The following HIBCH variants were observed in gnomAD, a reference collection of about 807,000 sequenced individuals.
HIBCH encodes the protein 3-hydroxyisobutyryl-CoA hydrolase, also known as 3-hydroxyisobutyryl-CoA hydrolase, mitochondrial.
A neutral mutation model predicts 58.2 loss-of-function variants in HIBCH; 50 were observed. That is an observed-to-expected ratio of 0.86 (90% CI 0.68 to 1.09). The LOEUF is 1.09. HIBCH is among the 50% of genes least tolerant of loss of function. HIBCH has a pLI of 0.00. For missense variants in HIBCH, 450 were observed against 449.7 expected (o/e 1.00, Z -0.01); for synonymous variants, 151 against 146.9 (o/e 1.03, Z -0.20).
At chr2:190,257,264 A>G (rs1409942943) in intron 7 of HIBCH, among the ~76,000 whole-genome samples, 2 of 152,208 alleles carry the variant, frequency 1.3e-5, no homozygotes, top group African/African-American at 2.4e-5. Flanking sequence ...ATGACAGTGT[A>G]GTAACATCTT....
intron 5 of HIBCH, among the ~76,000 whole-genome samples, chr2:190,290,027 T>G (rs1411163612): frequency 6.6e-6 from 1 of 152,090 alleles, no homozygotes; most frequent in African/African-American, 2.4e-5. Context: ...TACAGGCACT[T>G]GCCACCGCAC....
In HIBCH at chr2:190,207,101, G is replaced by GAC. The variant is rs1355081890; in HGVS notation, c.1045+1777_1045+1778dup. On this transcript the variant is annotated intron_variant, in intron 13 of 13. Transcript: ENST00000359678. The surrounding 1 kb of genome is among the most constrained non-coding windows in gnomAD (Gnocchi z 4.5). ...TTTGCCACTGCTCTCCAGCCTGGGT[G>GAC]ACAGAGTGAGACTCCATCTCAAAAA... is the stretch of plus-strand genomic sequence containing the variant. 6.6e-6 allele frequency among the ~76,000 whole-genome samples: 1 copy of GAC among 152,112 alleles called. No individual in the cohort carries two copies. The highest frequency in any genetic ancestry group is 2.4e-5 in the African/African-American group (1 of 41,428).
intron 2 of HIBCH, among the ~76,000 whole-genome samples, chr2:190,299,300 T>C (rs1688195416): frequency 1.3e-5 from 2 of 152,204 alleles, no homozygotes; most frequent in South Asian, 4.1e-4. Flanking sequence ...AATATTGGAG[T>C]TAATTTTTGT....
Position 190,254,136 on chromosome 2 carries a change from T to C in HIBCH, c.518-1829A>G, listed in dbSNP as rs995465277. ...TGATTACTCCCTGCTATGGACTGCATTGTGTCCTTCCAAAAAGTCCTATGT... is the reference window on the plus strand; with the variant it reads ...TGATTACTCCCTGCTATGGACTGCACTGTGTCCTTCCAAAAAGTCCTATGT... On this transcript the variant is annotated intron_variant, in intron 7 of 13. Coordinates refer to ENST00000359678, the MANE Select transcript of HIBCH (RefSeq NM_014362.4). The surrounding 1 kb of genome is among the most constrained non-coding windows in gnomAD (Gnocchi z 5.0). Among the ~76,000 whole-genome samples, 2 of 152,192 alleles carry C rather than the reference T, an allele frequency of 1.3e-5. No individual in the cohort carries two copies. The highest frequency in any genetic ancestry group is 6.5e-5 in the Admixed American group (1 of 15,276).
At chr2:190,238,126 A>G (rs1034063141) in intron 11 of HIBCH, among the ~76,000 whole-genome samples, 2 of 152,206 alleles carry the variant, frequency 1.3e-5, no homozygotes, top group Non-Finnish European at 2.9e-5. Flanking sequence ...GTGCTGCAAT[A>G]AACATACATG....
chr2:190,289,209 CTTAG>C (rs1406049350), intron 5 of HIBCH, among the ~76,000 whole-genome samples: 16 of 151,808 alleles, frequency 1.1e-4, no homozygotes, highest in Non-Finnish European at 2.9e-5. Context: ...TTTTTCATCA[CTTAG>C]TAATTATTTT....
chr2:190,194,070 AAT>A (rs963174293), intron 1 of HIBCH, among the ~76,000 whole-genome samples: 3 of 152,118 alleles, frequency 2.0e-5, no homozygotes, highest in Non-Finnish European at 4.4e-5. Flanking sequence ...TTAGTTTCCA[AAT>A]ATATGAGGCT....
Position 190,205,213 on chromosome 2 carries a change from C to T in HIBCH, c.1065G>A (p.Gln355=), listed in dbSNP as rs765741192. ...GATCAGCTGGTTTCCATTTTGGACT[C>T]TGGTCTTTATCAATTAAAACTGTCA... ...GVRAVLIDKD[Q]SPKWKPADLK... Residue 355 remains glutamine (Q), a synonymous_variant, in exon 14 of 14, where the codon CAG becomes CAA. Transcript: ENST00000359678. 2.0e-5 allele frequency: 31 copies of T among 1,589,374 alleles called. No individual in the cohort carries two copies. The South Asian group carries it at 3.3e-4, about 17-fold the overall frequency.
At chr2:190,313,155 T>C (rs1166092901) in intron 1 of HIBCH, among the ~76,000 whole-genome samples, 2 of 152,244 alleles carry the variant, frequency 1.3e-5, no homozygotes, top group East Asian at 1.9e-4. Flanking sequence ...TGCTTTGTGC[T>C]AGTAACTCTT....
At chr2:190,227,079 T>C (rs1685927991) in intron 11 of HIBCH, among the ~76,000 whole-genome samples, 1 of 152,120 alleles carries the variant, frequency 6.6e-6, no homozygotes, top group African/African-American at 2.4e-5. Context: ...AAAAAACTAC[T>C]TTAAAGTTCA....
intron 10 of HIBCH, chr2:190,245,194 G>A (rs1686570859): frequency 2.1e-6 from 1 of 481,718 alleles, no homozygotes; most frequent in South Asian, 2.3e-5. Context: ...TTTTTCTTTT[G>A]CATCTGTTAT....
intron 6 of HIBCH, among the ~76,000 whole-genome samples, chr2:190,276,128 T>C (rs540229278): frequency 3.9e-5 from 6 of 152,214 alleles, no homozygotes; most frequent in African/African-American, 1.4e-4. Flanking sequence ...AGCAGACTGG[T>C]CAAGAGCAAA....
downstream of HIBCH, chr2:190,203,036 T>G (rs924196441): frequency 2.0e-5 from 3 of 148,218 alleles, no homozygotes; most frequent in Non-Finnish European, 4.7e-5. Context: ...CCCAAAGAAA[T>G]AATTTGTCAA....
intron 11 of HIBCH, among the ~76,000 whole-genome samples, chr2:190,237,417 A>G (rs1459919811): frequency 6.6e-6 from 1 of 152,238 alleles, no homozygotes; most frequent in African/African-American, 2.4e-5. Flanking sequence ...GTAGTATTCC[A>G]TTGTATAAAT....
At chr2:190,316,631 C>T (rs1448438712) in intron 1 of HIBCH, among the ~76,000 whole-genome samples, 1 of 152,164 alleles carries the variant, frequency 6.6e-6, no homozygotes, top group Non-Finnish European at 1.5e-5. Flanking sequence ...GAAGCTGCCT[C>T]CTCTCTAGAG....
chr2:190,202,725 T>A (rs1330928251), downstream of HIBCH: 1 of 166,814 alleles, frequency 6.0e-6, no homozygotes, highest in Admixed American at 6.6e-5. Context: ...ACATCCAGAG[T>A]AAGGGCAAAT....
intron 5 of HIBCH, among the ~76,000 whole-genome samples, chr2:190,288,055 G>A (rs1207090703): frequency 6.6e-6 from 1 of 151,958 alleles, no homozygotes; most frequent in African/African-American, 2.4e-5. Context: ...GAAAGCTGAG[G>A]TGGGAGGAAC....
At chr2:190,311,083 A>G (rs1688542677) in intron 1 of HIBCH, 7 of 567,924 alleles carry the variant, frequency 1.2e-5, no homozygotes, top group Non-Finnish European at 2.3e-5. Context: ...CATATAAAAT[A>G]TTATTCAGCC....
chr2:190,297,966 TCA>T (rs1688150416), intron 2 of HIBCH, among the ~76,000 whole-genome samples: 1 of 149,112 alleles, frequency 6.7e-6, no homozygotes. Context: ...CTGTGTGTTC[TCA>T]TTGTTCAACT....
Sources: allele counts gnomAD v4.1 joint callset (sites outside exome capture counted in the v4.1 genomes callset), GRCh38; gene constraint gnomAD v4.1.1; non-coding constraint Gnocchi (gnomAD v3.1); transcripts MANE v1.5; gene names NCBI Gene and HGNC (gene_info 2026-07-23, HGNC 2026-07-21).